The following WDR25 variants were observed in gnomAD, a reference collection of about 807,000 sequenced individuals.
WDR25 encodes the protein WD repeat-containing protein 25.
WDR25 carries 35 observed loss-of-function variants against 47.7 expected under a neutral mutation model. The observed-to-expected ratio is 0.73, with a 90% confidence interval of 0.56 to 0.97. The LOEUF is 0.97. Among genes scored for constraint, WDR25 ranks in the 50% least tolerant of loss-of-function variants. WDR25 has a pLI of 0.00. For synonymous variants in WDR25, 248 were observed against 278.9 expected, an observed-to-expected ratio of 0.89 and a Z score of 1.10; for missense variants, 634 against 704.7, an observed-to-expected ratio of 0.90 and a Z score of 1.14.
intron 3 of WDR25, among the ~76,000 whole-genome samples, chr14:100,475,690 A>G (rs1449634297): frequency 1.3e-5 from 2 of 152,156 alleles, no homozygotes; most frequent in Non-Finnish European, 2.9e-5. Flanking sequence ...GTTAGAATGA[A>G]GGAATAAGTT....
At chr14:100,437,028 C>G (rs939768646) in intron 2 of WDR25, among the ~76,000 whole-genome samples, 2 of 152,192 alleles carry the variant, frequency 1.3e-5, no homozygotes, top group African/African-American at 4.8e-5. Flanking sequence ...GGGGCTGTGC[C>G]TTAGCCATTT....
At chr14:100,411,726 A>G (rs1897714070) in intron 2 of WDR25, among the ~76,000 whole-genome samples, 1 of 152,046 alleles carries the variant, frequency 6.6e-6, no homozygotes, top group East Asian at 1.9e-4. Context: ...TAGTAAGACA[A>G]GGTTTCACCG....
At position 100,381,566 on chromosome 14, in the gene WDR25, C is replaced by A. The variant is rs747131522; in HGVS notation, c.642C>A (p.Gly214=). The change falls in exon 2 of 7, where the codon GGC becomes GGA. Residue 214 remains glycine (G), a synonymous_variant. Transcript: ENST00000402312. Reference sequence around the variant, plus strand: ...GTGCCCCAGCCCCTCTCTACGTGGGCCCGGGAGTGTCTGAGTTTATTCAGC... The same window carrying A: ...GTGCCCCAGCCCCTCTCTACGTGGGACCGGGAGTGTCTGAGTTTATTCAGC... ...AGRAPAPLYV[G]PGVSEFIQPY... The A allele has an allele frequency of 1.2e-6, 2 of 1,609,576 alleles. No individual in the cohort carries two copies. Among genetic ancestry groups the A allele is most frequent in the African/African-American group, 2.7e-5 (2 of 74,752 alleles).
chr14:100,422,359 G>C (rs1435832511), intron 2 of WDR25, among the ~76,000 whole-genome samples: 1 of 152,170 alleles, frequency 6.6e-6, no homozygotes, highest in Non-Finnish European at 1.5e-5. Context: ...CCCCTATACT[G>C]AAACCAGATT....
chr14:100,467,991 A>G, intron 2 of WDR25, 30 bp from the exon 3 acceptor site: 2 of 1,610,264 alleles, frequency 1.2e-6, no homozygotes, highest in Non-Finnish European at 1.7e-6. Flanking sequence ...CCTTGTTGTG[A>G]CACCTGGTGC....
intron 2 of WDR25, among the ~76,000 whole-genome samples, chr14:100,394,839 G>A (rs552173851): frequency 1.3e-5 from 2 of 152,314 alleles, no homozygotes; most frequent in Non-Finnish European, 2.9e-5. Flanking sequence ...TAAAAAATTG[G>A]CTGGGTGTGG....
At chr14:100,439,942 A>C (rs1898617799) in intron 2 of WDR25, among the ~76,000 whole-genome samples, 1 of 152,182 alleles carries the variant, frequency 6.6e-6, no homozygotes, top group Non-Finnish European at 1.5e-5. Flanking sequence ...GAGTTGCCCA[A>C]ACCCCACTTC....
chr14:100,509,030 C>G (rs1263462730), intron 4 of WDR25, among the ~76,000 whole-genome samples: 1 of 151,878 alleles, frequency 6.6e-6, no homozygotes, highest in Non-Finnish European at 1.5e-5. Context: ...GATTATTGAT[C>G]GATACATTTT....
intron 3 of WDR25, among the ~76,000 whole-genome samples, chr14:100,481,439 C>CTTT (rs34968968): frequency 1.4e-5 from 2 of 140,564 alleles, no homozygotes; most frequent in South Asian, 2.4e-4. Flanking sequence ...AGTGTAAATG[C>CTTT]TTTTTTTTTT....
intron 3 of WDR25, among the ~76,000 whole-genome samples, chr14:100,483,177 A>G (rs72713985): frequency 0.011 from 1,644 of 152,280 alleles, 18 homozygotes; most frequent in South Asian, 0.022. Context: ...TGGAAGGAGG[A>G]CCAGCTTTGA....
At chr14:100,461,359 T>C (rs1444602409) in intron 2 of WDR25, among the ~76,000 whole-genome samples, 3 of 152,216 alleles carry the variant, frequency 2.0e-5, no homozygotes, top group African/African-American at 7.2e-5. Context: ...ATCAACAATC[T>C]GAAAATAAAA....
At chr14:100,454,744 G>C (rs1481985936) in intron 2 of WDR25, 5 of 322,120 alleles carry the variant, frequency 1.6e-5, no homozygotes, top group Non-Finnish European at 2.4e-5. Flanking sequence ...AAGAACCAGA[G>C]GACAGAGTTT....
intron 4 of WDR25, among the ~76,000 whole-genome samples, chr14:100,519,798 GTATATA>G (rs1244780357): frequency 7.4e-6 from 1 of 134,998 alleles, no homozygotes; most frequent in African/African-American, 2.8e-5. Context: ...TATACTATAT[GTATATA>G]TGTATATATG....
chr14:100,426,009 C>T (rs1012958283), intron 2 of WDR25, among the ~76,000 whole-genome samples: 3 of 152,190 alleles, frequency 2.0e-5, no homozygotes, highest in East Asian at 1.9e-4. Flanking sequence ...ATTCTCCGCA[C>T]GCCGTCATCG....
Position 100,441,540 on chromosome 14 carries a change from G to A in WDR25, c.823-26481G>A, listed in dbSNP as rs116954794. ...TGGAGTGCCAGAGTGTGGGAACACA[G>A]AGGGGCAGCAGGGGAGGGTGGAAGA... On this transcript the variant is annotated intron_variant, in intron 2 of 6. Transcript: ENST00000402312. Among the ~76,000 whole-genome samples the A allele has an allele frequency of 1.9e-4, 29 of 152,316 alleles. No individual in the cohort carries two copies. The East Asian group carries it at 5.2e-3, about 27-fold the overall frequency.
intron 2 of WDR25, among the ~76,000 whole-genome samples, chr14:100,441,072 C>G (rs1413843406): frequency 6.6e-6 from 1 of 152,170 alleles, no homozygotes; most frequent in Non-Finnish European, 1.5e-5. Context: ...CTAAGACATA[C>G]AGAGCCCTGT....
Position 100,506,911 on chromosome 14 carries a change from G to T in WDR25, c.1102-18959G>T, listed in dbSNP as rs571141183. On this transcript the variant is annotated intron_variant, in intron 4 of 6. Coordinates refer to ENST00000402312, the MANE Select transcript of WDR25 (RefSeq NM_001161476.3). This position sits in a 1 kb window ranked among gnomAD's most constrained non-coding sequence, Gnocchi z 4.8. Reference sequence around the variant, plus strand: ...TTATTTTGCTGTGCAGAAGCTCTTTGGTTTAATTAGGTCCTGCTTGTTAAT... The same window carrying T: ...TTATTTTGCTGTGCAGAAGCTCTTTTGTTTAATTAGGTCCTGCTTGTTAAT... 6.6e-6 allele frequency among the ~76,000 whole-genome samples: 1 copy of T among 152,028 alleles called. No homozygotes were observed. Among genetic ancestry groups the T allele is most frequent in the Non-Finnish European group, 1.5e-5 (1 of 67,960 alleles).
chr14:100,460,989 G>T (rs1426677738), intron 2 of WDR25, among the ~76,000 whole-genome samples: 1 of 152,206 alleles, frequency 6.6e-6, no homozygotes, highest in African/African-American at 2.4e-5. Context: ...GTAGCTGGAG[G>T]ATCATTTGAG....
chr14:100,522,913 C>T (rs917047040), intron 4 of WDR25, among the ~76,000 whole-genome samples: 2 of 152,178 alleles, frequency 1.3e-5, no homozygotes, highest in Non-Finnish European at 2.9e-5. Flanking sequence ...GCTGTGCTCC[C>T]ACCTCCCACC....
Sources: gnomAD v4.1 joint callset for allele counts (sites outside exome capture counted in the v4.1 genomes callset) on GRCh38, gnomAD v4.1.1 for gene constraint, Gnocchi (gnomAD v3.1) non-coding constraint, MANE v1.5 for transcripts, NCBI Gene and HGNC (gene_info 2026-07-23, HGNC 2026-07-21) for gene names.